INPP4B: variants seen among roughly 807,000 people sequenced by gnomAD.
INPP4B encodes inositol polyphosphate-4-phosphatase type II B, also known as inositol polyphosphate 4-phosphatase type II.
INPP4B carries 55 observed loss-of-function variants against 122.5 expected under a neutral mutation model. The observed-to-expected ratio is 0.45, with a 90% confidence interval of 0.36 to 0.56. The LOEUF (loss-of-function observed/expected upper bound fraction) is 0.56. INPP4B is among the 20% of genes least tolerant of loss of function. INPP4B has a pLI of 0.00. For missense variants in INPP4B, 1,000 were observed against 1,097.7 expected (o/e 0.91, Z 1.26); for synonymous variants, 403 against 388.7 (o/e 1.04, Z -0.43).
chr4:142,267,544 G>A (rs1743411148), intron 10 of INPP4B, among the ~76,000 whole-genome samples: 1 of 152,142 alleles, frequency 6.6e-6, no homozygotes, highest in Non-Finnish European at 1.5e-5. Flanking sequence ...CTTATCTCAT[G>A]CCATGCTCAT....
At chr4:142,362,977 CT>C (rs1786026234) in intron 7 of INPP4B, among the ~76,000 whole-genome samples, 1 of 151,962 alleles carries the variant, frequency 6.6e-6, no homozygotes, top group South Asian at 2.1e-4. Context: ...CATGTACCCC[CT>C]AAATCAAACA....
chr4:142,838,815 A>G (rs1783132382), intron 1 of INPP4B, among the ~76,000 whole-genome samples: 1 of 152,246 alleles, frequency 6.6e-6, no homozygotes, highest in South Asian at 2.1e-4. Context: ...TATGAAATCC[A>G]AAAGGTGTAT....
chr4:142,602,504 A>C (rs1740251751), intron 2 of INPP4B, among the ~76,000 whole-genome samples: 1 of 152,224 alleles, frequency 6.6e-6, no homozygotes, highest in Non-Finnish European at 1.5e-5. Context: ...CATGGAATTT[A>C]AACAAATTTA....
chr4:142,523,596 C>A (rs904384558), intron 2 of INPP4B, among the ~76,000 whole-genome samples: 1 of 152,064 alleles, frequency 6.6e-6, no homozygotes. Flanking sequence ...CCACAATGTC[C>A]CTCCTGCATT....
chr4:142,738,789 G>A (rs1767451461), intron 1 of INPP4B, among the ~76,000 whole-genome samples: 1 of 152,068 alleles, frequency 6.6e-6, no homozygotes, highest in African/African-American at 2.4e-5. Flanking sequence ...AAATGTCTAT[G>A]AGCGTTCCTA....
intron 25 of INPP4B, among the ~76,000 whole-genome samples, chr4:142,053,417 A>T (rs1755730401): frequency 6.6e-6 from 1 of 152,080 alleles, no homozygotes; most frequent in Admixed American, 6.6e-5. Context: ...CATTAAGTGG[A>T]TGGTAACATT....
chr4:142,133,801 C>T (rs1248747930), intron 18 of INPP4B, among the ~76,000 whole-genome samples: 1 of 152,128 alleles, frequency 6.6e-6, no homozygotes, highest in Admixed American at 6.5e-5. Flanking sequence ...CCAATATATC[C>T]TTTCCCTAGA....
intron 7 of INPP4B, among the ~76,000 whole-genome samples, chr4:142,397,706 G>A (rs910987847): frequency 6.6e-6 from 1 of 151,978 alleles, no homozygotes; most frequent in African/African-American, 2.4e-5. Flanking sequence ...GGGCATGATG[G>A]CGGGCGCCTG....
At chr4:142,466,215 T>C (rs1438665350) in intron 2 of INPP4B, among the ~76,000 whole-genome samples, 1 of 152,180 alleles carries the variant, frequency 6.6e-6, no homozygotes, top group Non-Finnish European at 1.5e-5. Context: ...ACTGGTTAAA[T>C]GGTTGTGACG....
intron 2 of INPP4B, among the ~76,000 whole-genome samples, chr4:142,717,816 C>G (rs1445361801): frequency 6.6e-6 from 1 of 150,900 alleles, no homozygotes; most frequent in Non-Finnish European, 1.5e-5. Context: ...GTGCAGCACA[C>G]CAACATGGCA....
intron 7 of INPP4B, among the ~76,000 whole-genome samples, chr4:142,324,115 AG>A (rs1771388844): frequency 6.6e-6 from 1 of 152,176 alleles, no homozygotes; most frequent in Non-Finnish European, 1.5e-5. Context: ...ATACCAGAAA[AG>A]CTCTGCCCAG....
rs150475538 is a variant in INPP4B, at chr4:142,223,717, T to C, written c.836+14147A>G. Among the ~76,000 whole-genome samples the C allele has an allele frequency of 2.6e-5, 4 of 152,298 alleles. No homozygotes were observed. In the East Asian group the frequency reaches 7.7e-4, roughly 29 times the overall value. Reference sequence around the variant, plus strand: ...GGTAGGGCAAACATACTTTACATGATGAATACCATACCACATGGTATTCTA... The same window carrying C: ...GGTAGGGCAAACATACTTTACATGACGAATACCATACCACATGGTATTCTA... On this transcript the variant is annotated intron_variant, in intron 12 of 25. Coordinates refer to ENST00000262992, the MANE Select transcript of INPP4B (RefSeq NM_001101669.3).
intron 7 of INPP4B, among the ~76,000 whole-genome samples, chr4:142,372,172 A>G (rs1414866241): frequency 6.6e-6 from 1 of 152,126 alleles, no homozygotes; most frequent in African/African-American, 2.4e-5. Flanking sequence ...TAAATGAAAT[A>G]AGCCAGGCAA....
intron 7 of INPP4B, among the ~76,000 whole-genome samples, chr4:142,316,130 C>T (rs776626036): frequency 3.3e-5 from 5 of 152,154 alleles, no homozygotes; most frequent in Non-Finnish European, 2.9e-5. Flanking sequence ...CCAGCACTAT[C>T]GCTTGCACAA....
intron 1 of INPP4B, among the ~76,000 whole-genome samples, chr4:142,758,781 C>T (rs532674993): frequency 6.6e-4 from 101 of 152,014 alleles, no homozygotes; most frequent in African/African-American, 2.2e-3. Flanking sequence ...GGTGAAACCC[C>T]GTCTCTTCTA....
At chr4:142,114,387 G>C (rs1791863484) in intron 21 of INPP4B, among the ~76,000 whole-genome samples, 1 of 151,982 alleles carries the variant, frequency 6.6e-6, no homozygotes, top group African/African-American at 2.4e-5. Flanking sequence ...TTTTCAAAGT[G>C]ACAATTCCAC....
At chr4:142,831,519 C>A (rs1012178245) in intron 1 of INPP4B, among the ~76,000 whole-genome samples, 1 of 152,186 alleles carries the variant, frequency 6.6e-6, no homozygotes, top group African/African-American at 2.4e-5. Flanking sequence ...CTGCAAATGT[C>A]TTCTACAAGG....
At chr4:142,513,383 A>C (rs1824989008) in intron 2 of INPP4B, among the ~76,000 whole-genome samples, 1 of 151,066 alleles carries the variant, frequency 6.6e-6, no homozygotes, top group African/African-American at 2.4e-5. Flanking sequence ...ACATGGTAGG[A>C]GGGGCAAGGC....
At chr4:142,029,004 A>G (rs1365920032) in intron 25 of INPP4B, 90 bp from the exon 26 acceptor site, 1 of 1,480,184 alleles carries the variant, frequency 6.8e-7, no homozygotes, top group East Asian at 2.4e-5. Context: ...GCAACCATCC[A>G]AGTAAAAATA....
Sources: allele counts gnomAD v4.1 joint callset (sites outside exome capture counted in the v4.1 genomes callset), GRCh38; gene constraint gnomAD v4.1.1; transcripts MANE v1.5; gene names NCBI Gene and HGNC (gene_info 2026-07-23, HGNC 2026-07-21).